METTL21A: variants seen among roughly 807,000 people sequenced by gnomAD.
METTL21A encodes protein N-lysine methyltransferase METTL21A.
In METTL21A, 22 loss-of-function variants were observed where a neutral mutation model predicts 20.9. The ratio of observed to expected loss-of-function variants is 1.05; its 90% CI spans 0.75 to 1.50. The LOEUF is 1.50. Ranked by LOEUF, METTL21A falls within the 40% of genes most tolerant of loss-of-function variation. METTL21A has a pLI of 0.00. For synonymous variants in METTL21A, 93 were observed against 102.0 expected, an observed-to-expected ratio of 0.91 and a Z score of 0.53; for missense variants, 271 against 266.8, an observed-to-expected ratio of 1.02 and a Z score of -0.11.
intron 3 of METTL21A, among the ~76,000 whole-genome samples, chr2:207,584,889 A>C (rs1224211727): frequency 6.6e-6 from 1 of 152,012 alleles, no homozygotes; most frequent in Non-Finnish European, 1.5e-5. Context: ...AACATTATCT[A>C]TCTTTTGCAG....
rs1408986154 is a variant in METTL21A, at chr2:207,598,324, T to C, written c.260-16164A>G. On this transcript the variant is annotated intron_variant, in intron 3 of 3. Coordinates refer to the METTL21A transcript ENST00000425132. ...TCTTGTAAAAAGAGTAGTTATTAGT[T>C]CTGCTTTAGCTTTCCAATATGCTGT... The C allele has an allele frequency of 3.3e-5, 6 of 184,174 alleles. 1 individual carries two copies. The highest frequency in any genetic ancestry group is 1.2e-4 in the African/African-American group (5 of 42,596). The allele number at this position is 184,174 out of a possible 1,614,324, so 11.4% of individuals were successfully genotyped here.
At chr2:207,588,541 G>A (rs1268185082) in intron 3 of METTL21A, among the ~76,000 whole-genome samples, 1 of 152,104 alleles carries the variant, frequency 6.6e-6, no homozygotes, top group Non-Finnish European at 1.5e-5. Flanking sequence ...TAATCCGCTT[G>A]TTGATGTCTA....
intron 3 of METTL21A, among the ~76,000 whole-genome samples, chr2:207,591,575 GGT>G (rs1260567588): frequency 6.6e-6 from 1 of 152,116 alleles, no homozygotes. Flanking sequence ...TAGGATTACA[GGT>G]GTGCGCCACC....
intron 3 of METTL21A, among the ~76,000 whole-genome samples, chr2:207,614,882 T>C (rs1389100733): frequency 6.6e-6 from 1 of 152,232 alleles, no homozygotes; most frequent in Non-Finnish European, 1.5e-5. Flanking sequence ...TAAAATTCTT[T>C]CCATTTGCAT....
chr2:207,605,352 ATCT>A (rs1364398717), downstream of METTL21A, among the ~76,000 whole-genome samples: 13 of 152,256 alleles, frequency 8.5e-5, no homozygotes, highest in Admixed American at 2.6e-4. Flanking sequence ...CCATCTGCGT[ATCT>A]TCTTTGAAGA....
chr2:207,597,016 G>A lies in METTL21A; in HGVS notation c.260-14856C>T, dbSNP rs565462091. 18 of 1,611,686 alleles carry A rather than the reference G, an allele frequency of 1.1e-5. 1 individual carries two copies. In the South Asian group the frequency reaches 1.4e-4, roughly 13 times the overall value. ...ATCAAAACAAGACATTGATTGAGGAGCTAAAAGCACTTAAGGACCTTTACT... is the reference window on the plus strand; with the variant it reads ...ATCAAAACAAGACATTGATTGAGGAACTAAAAGCACTTAAGGACCTTTACT... On this transcript the variant is annotated intron_variant, in intron 3 of 3. Coordinates refer to the METTL21A transcript ENST00000425132.
chr2:207,621,563 G>A (rs2107285332), intron 3 of METTL21A, among the ~76,000 whole-genome samples: 1 of 152,276 alleles, frequency 6.6e-6, no homozygotes, highest in South Asian at 2.1e-4. Context: ...ATCTCCCATG[G>A]GAAGTATAAA....
exon 3 of METTL21A, chr2:207,621,834 C>A: frequency 6.2e-7 from 1 of 1,614,200 alleles, no homozygotes; most frequent in Non-Finnish European, 8.5e-7. Flanking sequence ...TGCCCACCAG[C>A]CCCGTGCCAG....
rs754299852 is a variant in METTL21A at position 207,581,969 on chromosome 2, G to C, written c.*178C>G. 4.4e-5 allele frequency: 31 copies of C among 701,894 alleles called. 1 individual carries two copies. In the South Asian group the frequency reaches 4.5e-4, roughly 10 times the overall value. 43.5% of individuals were successfully genotyped at this position (701,894 alleles called of 1,614,324 possible). ...TTTCTATGGATAGATTGAGATAATA[G>C]GTTTTGGGGAGGAATTCCACAGAGG... is the stretch of plus-strand genomic sequence containing the variant. On this transcript the variant is annotated 3_prime_UTR_variant, in exon 4 of 4. Transcript: ENST00000425132.
intron 3 of METTL21A, chr2:207,602,144 G>A: frequency 5.0e-6 from 1 of 199,210 alleles, no homozygotes; most frequent in Admixed American, 6.0e-5. Context: ...TCCTCAGGGG[G>A]CAGACCGACT....
chr2:207,582,073 A>C (rs2083036584), exon 4 of METTL21A: 1 of 700,974 alleles, frequency 1.4e-6, no homozygotes, highest in South Asian at 1.5e-5. Context: ...ACTTGGTTAA[A>C]GTGCTGTCCA....
intron 3 of METTL21A, among the ~76,000 whole-genome samples, 154 bp downstream of exon 3, chr2:207,621,652 T>TA (rs1420926511): frequency 6.6e-6 from 1 of 152,080 alleles, no homozygotes; most frequent in African/African-American, 2.4e-5. Context: ...TCACTGGAGT[T>TA]AAGAACCCCA....
intron 3 of METTL21A, among the ~76,000 whole-genome samples, chr2:207,616,836 C>G (rs2089822231): frequency 1.3e-5 from 2 of 152,134 alleles, no homozygotes; most frequent in African/African-American, 4.8e-5. Flanking sequence ...GAGCGAAACT[C>G]CCATCTCAAA....
At chr2:207,580,689 A>G (rs1225724393), downstream of METTL21A, 1 of 221,730 alleles carries the variant, frequency 4.5e-6, no homozygotes, top group East Asian at 6.6e-5. Flanking sequence ...AAACATTCTA[A>G]AAGAAAGTGT....
chr2:207,613,028 C>A (rs375883561), exon 4 of METTL21A: 2 of 1,532,358 alleles, frequency 1.3e-6, no homozygotes, highest in Non-Finnish European at 1.7e-6. Context: ...TGACAACATT[C>A]TTATAAATTA....
At chr2:207,620,843 G>T in intron 3 of METTL21A, 1 of 617,092 alleles carries the variant, frequency 1.6e-6, no homozygotes, top group Non-Finnish European at 2.7e-6. Flanking sequence ...AAAACAGGCA[G>T]GACAAAAGAG....
At chr2:207,613,049 T>C in exon 4 of METTL21A, 2 of 1,550,320 alleles carry the variant, frequency 1.3e-6, no homozygotes, top group Non-Finnish European at 1.7e-6. Context: ...TAGCCAATTA[T>C]AAGTCCTCCT....
intron 3 of METTL21A, chr2:207,597,207 G>A: frequency 1.2e-6 from 1 of 847,186 alleles, no homozygotes; most frequent in Middle Eastern, 3.7e-4. Context: ...TCATTCATTT[G>A]TGCTTTTGCA....
At chr2:207,580,858 G>C (rs2082877716), downstream of METTL21A, 1 of 219,712 alleles carries the variant, frequency 4.6e-6, no homozygotes, top group Non-Finnish European at 9.1e-6. Flanking sequence ...GGGCTAGATA[G>C]AGCAGCACGT....
Sources: gnomAD v4.1 joint callset for allele counts (sites outside exome capture counted in the v4.1 genomes callset) on GRCh38, gnomAD v4.1.1 for gene constraint, MANE v1.5 for transcripts, NCBI Gene and HGNC (gene_info 2026-07-23, HGNC 2026-07-21) for gene names.